The following CD1B variants were observed in gnomAD, a reference collection of about 807,000 sequenced individuals.
CD1B encodes T-cell surface glycoprotein CD1b.
Under a neutral mutation model 39.8 loss-of-function variants are expected in CD1B, and 43 were observed. The ratio of observed to expected loss-of-function variants is 1.08; its 90% CI spans 0.85 to 1.39. The LOEUF (loss-of-function observed/expected upper bound fraction) is 1.39. Ranked by LOEUF, CD1B falls within the 40% of genes most tolerant of loss-of-function variation. The pLI, the probability that CD1B is intolerant of heterozygous loss-of-function variation, is 0.00. For synonymous variants in CD1B, 192 were observed against 152.5 expected (o/e 1.26, Z -1.91); for missense variants, 495 against 403.8 (o/e 1.23, Z -1.94).
At chr1:158,325,035 A>G (rs899438388), downstream of CD1B, among the ~76,000 whole-genome samples, 18 of 152,204 alleles carry the variant, frequency 1.2e-4, no homozygotes, top group African/African-American at 4.3e-4. Context: ...TAAAGCATTC[A>G]TTCTCTTGAG....
In CD1B at chr1:158,328,237, C is replaced by T; in HGVS notation, c.1001G>A (p.Ter334=). ...MRRRSYQNIP[*] Reference sequence around the variant, plus strand: ...TGGGAGAGGAGACATGATGATGGCTCATGGGATATTCTGATATGACCTGTT... The same window carrying T: ...TGGGAGAGGAGACATGATGATGGCTTATGGGATATTCTGATATGACCTGTT... The change falls in exon 6 of 6, where the codon TGA becomes TAA. Residue 334 remains the stop codon, a stop_retained_variant. Coordinates refer to ENST00000368168, the MANE Select transcript of CD1B (RefSeq NM_001764.3). The T allele has an allele frequency of 1.9e-6, 3 of 1,612,104 alleles. No individual in the cohort carries two copies. Among genetic ancestry groups the T allele is most frequent in the Non-Finnish European group, 2.5e-6 (3 of 1,178,554 alleles).
At chr1:158,315,706 G>A in the CD1B span, among the ~76,000 whole-genome samples, 1 of 151,718 alleles carries the variant, frequency 6.6e-6, no homozygotes, top group Non-Finnish European at 1.5e-5. Flanking sequence ...CATTGCTTTT[G>A]GTGTTTTAGA....
At position 158,329,600 on chromosome 1, in the gene CD1B, C is replaced by T. The variant is rs137886679; in HGVS notation, c.656G>A (p.Arg219His). ...TGAGACATGGCACACAAGCTGCAGACGGCCAGGTCCAGGACTGGGGCCACT... is the reference window on the plus strand; with the variant it reads ...TGAGACATGGCACACAAGCTGCAGATGGCCAGGTCCAGGACTGGGGCCACT... ...LSSGPSPGPG[R>H]LQLVCHVSGF... The change falls in exon 4 of 6, where the codon CGT (arginine) becomes CAT (histidine). Residue 219 changes from arginine (R) to histidine (H), a missense_variant. Coordinates refer to ENST00000368168, the MANE Select transcript of CD1B (RefSeq NM_001764.3). The T allele has an allele frequency of 1.4e-4, 227 of 1,614,050 alleles. No individual in the cohort carries two copies. Among genetic ancestry groups the T allele is most frequent in the African/African-American group, 6.0e-4 (45 of 74,994 alleles).
the CD1B span, among the ~76,000 whole-genome samples, chr1:158,310,562 A>G: frequency 5.3e-5 from 8 of 152,174 alleles, no homozygotes; most frequent in South Asian, 1.7e-3. Flanking sequence ...CTTGCAAACT[A>G]TGTGTATGAC....
the CD1B span, among the ~76,000 whole-genome samples, chr1:158,314,642 GT>G: frequency 2.7e-4 from 41 of 150,718 alleles, no homozygotes; most frequent in Middle Eastern, 3.4e-3. Flanking sequence ...GTTTTGTTTT[GT>G]TTTTTTTATT....
the CD1B span, among the ~76,000 whole-genome samples, chr1:158,317,904 C>A: frequency 6.6e-6 from 1 of 152,112 alleles, no homozygotes; most frequent in East Asian, 1.9e-4. Flanking sequence ...TTATTTCTGC[C>A]TTCATTTCAT....
Position 158,328,960 on chromosome 1 carries a change from A to AGC in CD1B, c.939_940dup (p.Leu314ArgfsTer12). The AGC allele has an allele frequency of 6.2e-7, 1 of 1,613,930 alleles. No individual in the cohort carries two copies. The highest frequency in any genetic ancestry group is 8.5e-7 in the Non-Finnish European group (1 of 1,179,914). The stretch of plus-strand genomic sequence containing the variant: ...CCATAATGCAAGGCATAGCAAAAGG[A>AGC]GCAAGGAAGGCACTATTATTGCCAA... On this transcript the variant is annotated frameshift_variant, in exon 5 of 6. Coordinates refer to ENST00000368168, the MANE Select transcript of CD1B (RefSeq NM_001764.3). LOFTEE classifies it low-confidence loss of function (END_TRUNC).
rs371268350 is a variant in CD1B at position 158,329,538 on chromosome 1, G to A, written c.718C>T (p.Arg240Trp). ...YPKPVWVMWM[R>W]GEQEQQGTQL... ...GTGCCCTGCTGCTCCTGCTCACCCC[G>A]CATCCACATCACCCACACGGGCTTT... Residue 240 changes from arginine (R) to tryptophan (W), a missense_variant, in exon 4 of 6, where the codon CGG (arginine) becomes TGG (tryptophan). Arg to Trp is a moderately radical substitution (Grantham distance 101, BLOSUM62 -3). Coordinates refer to ENST00000368168, the MANE Select transcript of CD1B (RefSeq NM_001764.3). The A allele has an allele frequency of 6.2e-5, 100 of 1,614,018 alleles. No individual in the cohort carries two copies. In the East Asian group the frequency reaches 1.6e-3, roughly 26 times the overall value.
chr1:158,290,655 G>A, the CD1B span, among the ~76,000 whole-genome samples: 1 of 152,072 alleles, frequency 6.6e-6, no homozygotes, highest in Admixed American at 6.5e-5. Context: ...AGTGGCTGAT[G>A]GGGAAGATTG....
the CD1B span, chr1:158,293,537 A>G: frequency 6.2e-7 from 1 of 1,613,948 alleles, no homozygotes; most frequent in Non-Finnish European, 8.5e-7. Flanking sequence ...GCCTAGTACA[A>G]TATAGTGATG....
At chr1:158,331,136 A>G in intron 1 of CD1B, 74 bp from the exon 2 acceptor site, 1 of 1,435,858 alleles carries the variant, frequency 7.0e-7, no homozygotes, top group Non-Finnish European at 9.4e-7. Flanking sequence ...ATGGGAATGA[A>G]AATGATTTAG....
the CD1B span, among the ~76,000 whole-genome samples, chr1:158,317,586 C>G: frequency 2.6e-5 from 4 of 151,980 alleles, no homozygotes; most frequent in African/African-American, 9.7e-5. Context: ...AGTGGTCTAT[C>G]TATTTTGTTG....
At chr1:158,290,081 T>C in the CD1B span, 1 of 1,614,022 alleles carries the variant, frequency 6.2e-7, no homozygotes, top group African/African-American at 1.3e-5. Flanking sequence ...TTTCTGCAGT[T>C]TCTGCTGCTA....
the CD1B span, among the ~76,000 whole-genome samples, chr1:158,307,251 C>A: frequency 6.6e-6 from 1 of 152,062 alleles, no homozygotes; most frequent in Non-Finnish European, 1.5e-5. Flanking sequence ...AAGGGGATAT[C>A]ACCACTGATC....
chr1:158,329,457 G>A lies in CD1B; in HGVS notation c.799C>T (p.Leu267=), dbSNP rs1398146560. 2.7e-5 allele frequency: 44 copies of A among 1,614,166 alleles called. No homozygotes were observed. The highest frequency in any genetic ancestry group is 3.5e-5 in the Non-Finnish European group (41 of 1,180,034). The change falls in exon 4 of 6, where the codon CTG becomes TTG. Residue 267 remains leucine (L), a synonymous_variant. Coordinates refer to ENST00000368168, the MANE Select transcript of CD1B (RefSeq NM_001764.3). ...GCCGCCTCCCCATCTGCCACATCCAGGGTTGCTCGGAGATACCATGTCCAG... is the reference window on the plus strand; with the variant it reads ...GCCGCCTCCCCATCTGCCACATCCAAGGTTGCTCGGAGATACCATGTCCAG... The part of the protein sequence containing the change: ...ANWTWYLRAT[L]DVADGEAAGL...
chr1:158,302,920 C>T, the CD1B span, among the ~76,000 whole-genome samples: 1 of 152,074 alleles, frequency 6.6e-6, no homozygotes, highest in African/African-American at 2.4e-5. Flanking sequence ...TGATTATTCC[C>T]TAACTAATTC....
At chr1:158,292,827 G>C in the CD1B span, 2 of 1,614,152 alleles carry the variant, frequency 1.2e-6, no homozygotes, top group Non-Finnish European at 1.7e-6. Flanking sequence ...CTGTCTTGTC[G>C]AGTGAGACAC....
the CD1B span, among the ~76,000 whole-genome samples, chr1:158,286,439 T>G: frequency 6.6e-6 from 1 of 152,242 alleles, no homozygotes; most frequent in Non-Finnish European, 1.5e-5. Flanking sequence ...AACTCTTGTG[T>G]ATAAAATTGT....
chr1:158,292,560 G>A, the CD1B span: 12 of 1,600,284 alleles, frequency 7.5e-6, no homozygotes, highest in East Asian at 2.2e-4. Context: ...TTGTGTGTAA[G>A]TTTCTTCATC....
Sources: gnomAD v4.1 joint callset for allele counts (sites outside exome capture counted in the v4.1 genomes callset) on GRCh38, gnomAD v4.1.1 for gene constraint, MANE v1.5 for transcripts, NCBI Gene and HGNC (gene_info 2026-07-23, HGNC 2026-07-21) for gene names.